ASH1L: variants seen among roughly 807,000 people sequenced by gnomAD.
ASH1L encodes histone-lysine N-methyltransferase ASH1L.
In ASH1L, 23 loss-of-function variants were observed where a neutral mutation model predicts 269.0. The ratio of observed to expected loss-of-function variants is 0.09; its 90% CI spans 0.06 to 0.12. The LOEUF (loss-of-function observed/expected upper bound fraction) is 0.12. Ranked by LOEUF, ASH1L falls within the 10% of genes least tolerant of loss-of-function variation. The pLI is 1.00. For synonymous variants in ASH1L, 1,187 were observed against 1,253.5 expected (o/e 0.95, Z 1.12); for missense variants, 2,912 against 3,567.8 (o/e 0.82, Z 4.68).
At chr1:155,514,744 G>C (rs1157600686) in intron 2 of ASH1L, among the ~76,000 whole-genome samples, 1 of 152,112 alleles carries the variant, frequency 6.6e-6, no homozygotes, top group Non-Finnish European at 1.5e-5. Context: ...AAGGAGGTAA[G>C]AGCCTTGAAG....
At chr1:155,378,595 G>A in intron 8 of ASH1L, 47 bp from the exon 9 acceptor site, 2 of 1,456,052 alleles carry the variant, frequency 1.4e-6, no homozygotes, top group South Asian at 1.2e-5. Flanking sequence ...AACTTCAAAT[G>A]CCAGACGGCA....
At chr1:155,438,272 C>T in intron 5 of ASH1L, 55 bp downstream of exon 5, 2 of 1,470,800 alleles carry the variant, frequency 1.4e-6, no homozygotes, top group Admixed American at 2.4e-5. Flanking sequence ...AGTTACATTA[C>T]AGTTTTTCAA....
At position 155,362,324 on chromosome 1, in the gene ASH1L, G is replaced by A. The variant is rs556151927; in HGVS notation, c.6687-1915C>T. On this transcript the variant is annotated intron_variant, in intron 12 of 27. Transcript: ENST00000392403. ...GCTGAGATTACAGGCATGAGCCACC[G>A]TGCTTGACTTTGTTTTAGGTGTTCA... is the stretch of plus-strand genomic sequence containing the variant. Among the ~76,000 whole-genome samples, 64 of 151,490 alleles carry A rather than the reference G, an allele frequency of 4.2e-4. No homozygotes were observed. In the East Asian group the frequency reaches 6.6e-3, roughly 16 times the overall value.
intron 2 of ASH1L, among the ~76,000 whole-genome samples, chr1:155,488,075 C>T (rs934141976): frequency 5.3e-5 from 8 of 151,184 alleles, no homozygotes; most frequent in East Asian, 2.0e-4. Flanking sequence ...TTAGTAAAGA[C>T]GGGGTTTCAC....
chr1:155,453,983 T>C (rs2148661147), intron 4 of ASH1L, among the ~76,000 whole-genome samples: 1 of 148,322 alleles, frequency 6.7e-6, no homozygotes, highest in Non-Finnish European at 1.5e-5. Flanking sequence ...CAGGCGCCCG[T>C]AGTCCCAGCT....
At chr1:155,534,363 C>T (rs547463906) in intron 1 of ASH1L, among the ~76,000 whole-genome samples, 1 of 147,584 alleles carries the variant, frequency 6.8e-6, no homozygotes, top group Non-Finnish European at 1.5e-5. Flanking sequence ...AGGATGGTAA[C>T]AATGGAAATA....
chr1:155,392,496 T>C (rs896301176), intron 7 of ASH1L, among the ~76,000 whole-genome samples: 2 of 152,166 alleles, frequency 1.3e-5, no homozygotes, highest in African/African-American at 2.4e-5. Flanking sequence ...TTCTTATTTA[T>C]TTATTTATTT....
intron 7 of ASH1L, among the ~76,000 whole-genome samples, chr1:155,385,299 C>A (rs2148458220): frequency 6.6e-6 from 1 of 152,102 alleles, no homozygotes; most frequent in Non-Finnish European, 1.5e-5. Flanking sequence ...AAAAATTAGC[C>A]AGGTATGGTG....
At position 155,349,709 on chromosome 1, in the gene ASH1L, CTTTTTTTTTTTTT is replaced by C. The variant is rs993462774; in HGVS notation, c.7367-126_7367-114del. On this transcript the variant is annotated intron_variant, in intron 17 of 27. Coordinates refer to ENST00000392403, the MANE Select transcript of ASH1L (RefSeq NM_018489.3). ...TTAAAAGTGAGAGAAAAATCCAAGT[CTTTTTTTTTTTTT>C]TTTTTTTTTTTTGAGACAGAGTCTC... The C allele has an allele frequency of 9.2e-3, 2,742 of 299,438 alleles. 38 individuals are homozygous for C. The highest frequency in any genetic ancestry group is 0.011 in the Non-Finnish European group (1,951 of 170,406). 18.5% of individuals were successfully genotyped at this position (299,438 alleles called of 1,614,324 possible). A position where few individuals can be genotyped will look rare whatever the true frequency, so the allele number is the denominator to read the frequency against.
At chr1:155,447,638 T>G (rs1307031391) in intron 4 of ASH1L, among the ~76,000 whole-genome samples, 1 of 152,254 alleles carries the variant, frequency 6.6e-6, no homozygotes, top group African/African-American at 2.4e-5. Context: ...TGAATACCTA[T>G]GCCTGTTGCC....
intron 4 of ASH1L, among the ~76,000 whole-genome samples, chr1:155,445,335 C>G (rs147558820): frequency 2.5e-4 from 38 of 152,216 alleles, no homozygotes; most frequent in South Asian, 6.2e-4. Context: ...ATGCACCCAC[C>G]ACCATGCCCA....
chr1:155,481,737 G>A lies in ASH1L; in HGVS notation c.1133C>T (p.Ser378Phe). The change falls in exon 3 of 28, where the codon TCT (serine) becomes TTT (phenylalanine). Residue 378 changes from serine to phenylalanine, a missense_variant. Transcript: ENST00000392403. ...GTCCTTGGCCACTAGGCCAACAGTA[G>A]AACCCAATTTCTTTCCCAAATCTTT... ...VNKDLGKKLG[S>F]TVGLVAKDCA... 1 of 1,614,176 alleles carries A rather than the reference G, an allele frequency of 6.2e-7. No individual in the cohort carries two copies. Among genetic ancestry groups the A allele is most frequent in the Middle Eastern group, 1.6e-4 (1 of 6,062 alleles).
intron 1 of ASH1L, among the ~76,000 whole-genome samples, chr1:155,560,156 A>C (rs1671863397): frequency 6.6e-6 from 1 of 152,232 alleles, no homozygotes; most frequent in Non-Finnish European, 1.5e-5. Flanking sequence ...AAGGTTTTCA[A>C]ATGAGACCTA....
At chr1:155,430,922 C>T (rs1041915819) in intron 5 of ASH1L, among the ~76,000 whole-genome samples, 2 of 152,032 alleles carry the variant, frequency 1.3e-5, no homozygotes, top group African/African-American at 4.8e-5. Flanking sequence ...AAGCTCTTAA[C>T]AATTTTTTTC....
chr1:155,343,524 T>C lies in ASH1L; in HGVS notation c.8121-38A>G, dbSNP rs764144148. The C allele has an allele frequency of 1.9e-6, 3 of 1,612,370 alleles. No individual in the cohort carries two copies. In the East Asian group the frequency reaches 6.7e-5, roughly 36 times the overall value. ...AAAAGTGAGAAGGGAGAGGTTTAGC[T>C]GATTAGCAAGATCCTAGTGAACATT... On this transcript the variant is annotated intron_variant, in intron 23 of 27. Coordinates refer to ENST00000392403, the MANE Select transcript of ASH1L (RefSeq NM_018489.3). This position sits in a 1 kb window ranked among gnomAD's most constrained non-coding sequence, Gnocchi z 6.1.
chr1:155,350,964 G>A (rs1653860063), intron 17 of ASH1L, among the ~76,000 whole-genome samples: 1 of 150,540 alleles, frequency 6.6e-6, no homozygotes, highest in Non-Finnish European at 1.5e-5. Context: ...AAGACCGGGC[G>A]CGATGGCACA....
chr1:155,546,353 G>C (rs1670827327), intron 1 of ASH1L, among the ~76,000 whole-genome samples: 1 of 151,676 alleles, frequency 6.6e-6, no homozygotes, highest in Admixed American at 6.6e-5. Context: ...AGAAATTATT[G>C]CATTACCATA....
At chr1:155,449,248 T>G (rs1001144551) in intron 4 of ASH1L, among the ~76,000 whole-genome samples, 5 of 152,184 alleles carry the variant, frequency 3.3e-5, no homozygotes, top group African/African-American at 1.2e-4. Flanking sequence ...GTGTCTTTCA[T>G]TTTTATTCAT....
At chr1:155,509,957 T>G (rs1668061296) in intron 2 of ASH1L, among the ~76,000 whole-genome samples, 1 of 152,174 alleles carries the variant, frequency 6.6e-6, no homozygotes, top group East Asian at 1.9e-4. Flanking sequence ...CAAAACAACA[T>G]AAGGAAATCT....
Sources: allele counts gnomAD v4.1 joint callset (sites outside exome capture counted in the v4.1 genomes callset), GRCh38; gene constraint gnomAD v4.1.1; non-coding constraint Gnocchi (gnomAD v3.1); transcripts MANE v1.5; gene names NCBI Gene and HGNC (gene_info 2026-07-23, HGNC 2026-07-21).